Variants in ANKRD31 observed in about 807,000 individuals in gnomAD.
ANKRD31 encodes ankyrin repeat domain-containing protein 31.
In ANKRD31, 147 loss-of-function variants were observed where a neutral mutation model predicts 186.0. The observed-to-expected ratio is 0.79, with a 90% confidence interval of 0.69 to 0.91. The LOEUF (loss-of-function observed/expected upper bound fraction) is 0.91, where lower values mean the gene tolerates loss of function less well. Among genes scored for constraint, ANKRD31 ranks in the 40% least tolerant of loss-of-function variants. The pLI is 0.00. For missense variants in ANKRD31, 1,986 were observed against 2,148.8 expected (o/e 0.92, Z 1.50); for synonymous variants, 673 against 736.4 (o/e 0.91, Z 1.39).
chr5:75,137,241 C>G (rs919027771), intron 17 of ANKRD31, among the ~76,000 whole-genome samples: 8 of 152,096 alleles, frequency 5.3e-5, no homozygotes, highest in Middle Eastern at 3.4e-3. Context: ...TATTACTGGT[C>G]TATATTGTCT....
At chr5:75,151,484 G>T (rs1230193851) in intron 12 of ANKRD31, among the ~76,000 whole-genome samples, 2 of 151,948 alleles carry the variant, frequency 1.3e-5, no homozygotes, top group Non-Finnish European at 2.9e-5. Flanking sequence ...TTTATAAAGG[G>T]CTGTTCCCCT....
chr5:75,218,713 C>T (rs1295736414), intron 3 of ANKRD31, among the ~76,000 whole-genome samples: 1 of 152,136 alleles, frequency 6.6e-6, no homozygotes, highest in Non-Finnish European at 1.5e-5. Flanking sequence ...AAAATACTAA[C>T]AAACCAAATG....
At chr5:75,209,676 C>T (rs1029742310) in intron 4 of ANKRD31, among the ~76,000 whole-genome samples, 3 of 150,480 alleles carry the variant, frequency 2.0e-5, no homozygotes, top group Non-Finnish European at 3.0e-5. Context: ...GACTATGGTT[C>T]AAAAAAAAAG....
intron 11 of ANKRD31, among the ~76,000 whole-genome samples, chr5:75,163,543 G>A (rs1404871249): frequency 1.3e-5 from 2 of 152,218 alleles, no homozygotes; most frequent in South Asian, 2.1e-4. Flanking sequence ...TTGTGTGCCA[G>A]TGTGTTGACT....
At position 75,147,186 on chromosome 5, in the gene ANKRD31, T is replaced by C. The variant is rs1476490167; in HGVS notation, c.2225A>G (p.Asp742Gly). Residue 742 changes from aspartate (D) to glycine (G), a missense_variant, in exon 14 of 26, where the codon GAT becomes GGT. By Grantham distance (94) the Asp-to-Gly change is moderately conservative. Coordinates refer to ENST00000506364, the MANE Select transcript of ANKRD31 (RefSeq NM_001372053.1). ...TATCTTTCTTGGATTACAGTCTACA[T>C]CATCTACTTGGGTCCTTTTATGTTG... ...KTQHKRTQVD[D>G]VDCNPRKILA... The C allele has an allele frequency of 3.9e-6, 6 of 1,536,250 alleles. No individual in the cohort carries two copies. Among genetic ancestry groups the C allele is most frequent in the Non-Finnish European group, 1.7e-6 (2 of 1,146,326 alleles).
intron 10 of ANKRD31, among the ~76,000 whole-genome samples, chr5:75,176,306 G>A (rs1460661822): frequency 1.3e-5 from 2 of 152,182 alleles, no homozygotes; most frequent in Non-Finnish European, 2.9e-5. Context: ...TACCTCTGGG[G>A]ACAGGGCACA....
At chr5:75,212,432 G>A (rs1756711347) in intron 3 of ANKRD31, among the ~76,000 whole-genome samples, 1 of 151,964 alleles carries the variant, frequency 6.6e-6, no homozygotes, top group Non-Finnish European at 1.5e-5. Flanking sequence ...AGGAAACATG[G>A]CAAAACCCAG....
At chr5:75,107,481 G>T in intron 21 of ANKRD31, 40 bp downstream of exon 21, 1 of 1,346,914 alleles carries the variant, frequency 7.4e-7, no homozygotes, top group Non-Finnish European at 1.0e-6. Flanking sequence ...ATAAATTCTA[G>T]AAACTCAAAA....
At chr5:75,163,164 A>T (rs1285086368) in intron 11 of ANKRD31, among the ~76,000 whole-genome samples, 2 of 152,206 alleles carry the variant, frequency 1.3e-5, no homozygotes, top group African/African-American at 4.8e-5. Context: ...CTGTCTTTTG[A>T]AGTACAAGTT....
chr5:75,188,309 A>G (rs1754872460), intron 10 of ANKRD31, among the ~76,000 whole-genome samples, 184 bp downstream of exon 10: 1 of 152,110 alleles, frequency 6.6e-6, no homozygotes, highest in Non-Finnish European at 1.5e-5. Flanking sequence ...CCTGCCACCC[A>G]GTCTTCTCAC....
At chr5:75,155,147 AC>A (rs1161362227) in intron 11 of ANKRD31, among the ~76,000 whole-genome samples, 1 of 152,138 alleles carries the variant, frequency 6.6e-6, no homozygotes, top group African/African-American at 2.4e-5. Flanking sequence ...GAAGGCTCAG[AC>A]AAAAATACAA....
chr5:75,092,241 T>C (rs965209762), intron 22 of ANKRD31, among the ~76,000 whole-genome samples: 8 of 152,170 alleles, frequency 5.3e-5, no homozygotes, highest in African/African-American at 1.9e-4. Context: ...GTGAGTAGAC[T>C]GGTAGATTCA....
In ANKRD31 at chr5:75,218,768, C is replaced by T. The variant is rs192690426; in HGVS notation, c.288+3481G>A. On this transcript the variant is annotated intron_variant, in intron 3 of 25. Coordinates refer to ENST00000506364, the MANE Select transcript of ANKRD31 (RefSeq NM_001372053.1). ...GCTAATTCACCAGGATCAAGCAGGC[C>T]TTATCTCTGGAATGCTTCAACGTAT... Among the ~76,000 whole-genome samples, 51 of 152,222 alleles carry T rather than the reference C, an allele frequency of 3.4e-4. No homozygotes were observed. The East Asian group carries it at 9.1e-3, about 27-fold the overall frequency.
At chr5:75,087,025 G>A (rs769730676) in intron 23 of ANKRD31, among the ~76,000 whole-genome samples, 10 of 152,296 alleles carry the variant, frequency 6.6e-5, no homozygotes, top group Non-Finnish European at 1.3e-4. Context: ...GAAATAAAGT[G>A]CAGTATTGTC....
At position 75,104,841 on chromosome 5, in the gene ANKRD31, T is replaced by C. The variant is rs915293452; in HGVS notation, c.4718A>G (p.Asp1573Gly). 2 of 1,537,214 alleles carry C rather than the reference T, an allele frequency of 1.3e-6. No individual in the cohort carries two copies. Among genetic ancestry groups the C allele is most frequent in the Admixed American group, 2.0e-5 (1 of 51,002 alleles). Residue 1573 changes from aspartate to glycine, a missense_variant, in exon 22 of 26, where the codon GAT (aspartate) becomes GGT (glycine). Asp to Gly is a moderately conservative substitution (Grantham distance 94). Transcript: ENST00000506364. ...ACTGCCATTTTGTTTAGAATTCATA[T>C]CATTTCCAGAAAATTCTCCCCTTCT... ...AVRRGEFSGN[D>G]MNSKQNGSDC...
rs181108525 is a variant in ANKRD31 at position 75,205,411 on chromosome 5, A to G, written c.403+1000T>C. ...AGCACTGGCCCCAGACATCCTTGAAAGCATCCTTGCTTTTCAGTAATAATT... is the reference window on the plus strand; with the variant it reads ...AGCACTGGCCCCAGACATCCTTGAAGGCATCCTTGCTTTTCAGTAATAATT... On this transcript the variant is annotated intron_variant, in intron 5 of 25. Coordinates refer to ENST00000506364, the MANE Select transcript of ANKRD31 (RefSeq NM_001372053.1). 4.6e-3 allele frequency among the ~76,000 whole-genome samples: 706 copies of G among 152,274 alleles called. 5 individuals are homozygous for G. Among genetic ancestry groups the G allele is most frequent in the Admixed American group, 0.018 (276 of 15,286 alleles).
At chr5:75,206,313 T>A (rs35782391) in intron 5 of ANKRD31, 98 bp downstream of exon 5, 4 of 142,572 alleles carry the variant, frequency 2.8e-5, no homozygotes, top group Admixed American at 2.7e-4. Context: ...ATATATATGG[T>A]TGACCAGCCT....
At position 75,105,124 on chromosome 5, in the gene ANKRD31, G is replaced by T; in HGVS notation, c.4435C>A (p.Gln1479Lys). The T allele has an allele frequency of 3.9e-6, 6 of 1,536,636 alleles. No individual in the cohort carries two copies. Among genetic ancestry groups the T allele is most frequent in the Non-Finnish European group, 5.2e-6 (6 of 1,146,722 alleles). Residue 1479 changes from glutamine (Q) to lysine (K), a missense_variant, in exon 22 of 26, where the codon CAG (glutamine) becomes AAG (lysine). Coordinates refer to ENST00000506364, the MANE Select transcript of ANKRD31 (RefSeq NM_001372053.1). The part of the protein sequence containing the change: ...QKSLLVVAKK[Q>K]KKISLKIQNC... ...TGAATTTTCAGGCTTATTTTTTTCT[G>T]TTTTTTTGCCACAACTAAAAGGCTC...
intron 11 of ANKRD31, among the ~76,000 whole-genome samples, chr5:75,161,197 ATGGC>A (rs1752552250): frequency 6.6e-6 from 1 of 152,198 alleles, no homozygotes; most frequent in South Asian, 2.1e-4. Context: ...GACTTGTTGA[ATGGC>A]TTTGACCAAA....
Sources: gnomAD v4.1 joint callset for allele counts (sites outside exome capture counted in the v4.1 genomes callset) on GRCh38, gnomAD v4.1.1 for gene constraint, MANE v1.5 for transcripts, NCBI Gene and HGNC (gene_info 2026-07-23, HGNC 2026-07-21) for gene names.